The following CPED1 variants were observed in gnomAD, a reference collection of about 807,000 sequenced individuals.
The protein encoded by CPED1 is cadherin-like and PC-esterase domain-containing protein 1.
CPED1 carries 114 observed loss-of-function variants against 128.2 expected under a neutral mutation model. The ratio of observed to expected loss-of-function variants is 0.89; its 90% confidence interval spans 0.76 to 1.04. The LOEUF is 1.04. CPED1 is among the 50% of genes least tolerant of loss of function. The probability of loss-of-function intolerance (pLI) is 0.00; values close to 1 mark genes in which losing one functional copy is unlikely to be tolerated. For missense variants in CPED1, 1,211 were observed against 1,207.1 expected (o/e 1.00, Z -0.05); for synonymous variants, 462 against 426.7 (o/e 1.08, Z -1.02).
At chr7:121,277,491 G>T (rs1046837944) in intron 22 of CPED1, among the ~76,000 whole-genome samples, 4 of 152,094 alleles carry the variant, frequency 2.6e-5, no homozygotes, top group Non-Finnish European at 4.4e-5. Context: ...GCAGAGTTTT[G>T]GTAGAGGTGC....
At chr7:121,235,215 G>A (rs529929088) in intron 16 of CPED1, among the ~76,000 whole-genome samples, 22 of 152,176 alleles carry the variant, frequency 1.4e-4, no homozygotes, top group East Asian at 7.7e-4. Context: ...ATACTAACAA[G>A]TATCATTTAT....
Position 121,266,272 on chromosome 7 carries a change from C to G in CPED1, c.2356C>G (p.Leu786Val), listed in dbSNP as rs746983607. The change falls in exon 19 of 23, where the codon CTT (leucine) becomes GTT (valine). Residue 786 changes from leucine (L) to valine (V), a missense_variant. By Grantham distance (32) the Leu-to-Val change is conservative. Coordinates refer to ENST00000310396, the MANE Select transcript of CPED1 (RefSeq NM_024913.5). ...DSTNRGIMYY[L>V]IERLNETLQE... ...AACCAACAGAGGGATCATGTACTAT[C>G]TTATTGAAAGGCTGAATGAAACGTT... 4 of 1,613,056 alleles carry G rather than the reference C, an allele frequency of 2.5e-6. No homozygotes were observed. Among genetic ancestry groups the G allele is most frequent in the Non-Finnish European group, 3.4e-6 (4 of 1,179,332 alleles).
At chr7:121,191,401 G>A (rs886659712) in intron 16 of CPED1, among the ~76,000 whole-genome samples, 1 of 152,158 alleles carries the variant, frequency 6.6e-6, no homozygotes, top group Non-Finnish European at 1.5e-5. Context: ...CGAAGGACCA[G>A]TACAAGACAG....
chr7:121,094,598 A>G (rs932994079), intron 5 of CPED1, among the ~76,000 whole-genome samples: 3 of 152,142 alleles, frequency 2.0e-5, no homozygotes, highest in Non-Finnish European at 4.4e-5. Flanking sequence ...TTTAGTCAGT[A>G]TAGTGTTCAG....
intron 16 of CPED1, among the ~76,000 whole-genome samples, chr7:121,205,803 G>T (rs1697217789): frequency 6.6e-6 from 1 of 151,980 alleles, no homozygotes; most frequent in African/African-American, 2.4e-5. Flanking sequence ...TAATTTAAAT[G>T]CTCAGAAATT....
chr7:121,080,024 C>T (rs986311266), intron 5 of CPED1, among the ~76,000 whole-genome samples: 1 of 152,162 alleles, frequency 6.6e-6, no homozygotes, highest in African/African-American at 2.4e-5. Context: ...GGCCCGTTTA[C>T]TCACGTAGAT....
intron 16 of CPED1, among the ~76,000 whole-genome samples, chr7:121,161,178 G>A (rs576992961): frequency 4.6e-5 from 7 of 152,216 alleles, no homozygotes; most frequent in African/African-American, 1.4e-4. Context: ...GCAGTGGGAC[G>A]GTGTTCTCTG....
At chr7:121,196,261 A>G (rs1367876554) in intron 16 of CPED1, among the ~76,000 whole-genome samples, 1 of 151,970 alleles carries the variant, frequency 6.6e-6, no homozygotes, top group Non-Finnish European at 1.5e-5. Flanking sequence ...TTGAAACTTC[A>G]GTCTGCTCAG....
chr7:121,005,888 A>G (rs886508486), intron 2 of CPED1, among the ~76,000 whole-genome samples: 1 of 152,204 alleles, frequency 6.6e-6, no homozygotes, highest in Non-Finnish European at 1.5e-5. Flanking sequence ...GGAAGGTGTC[A>G]GTGCTCATTT....
At position 121,047,689 on chromosome 7, in the gene CPED1, T is replaced by C. The variant is rs1389029557; in HGVS notation, c.540+696T>C. ...CTTCTTCTTCTTCTTCTTCTTCTTC[T>C]TCTTCTTCTTCTTCTTCTTCTTCTT... On this transcript the variant is annotated intron_variant, in intron 4 of 22. Transcript: ENST00000310396. Among the ~76,000 whole-genome samples, 179 of 103,330 alleles carry C rather than the reference T, an allele frequency of 1.7e-3. 1 individual carries two copies. Among genetic ancestry groups the C allele is most frequent in the African/African-American group, 7.6e-3 (157 of 20,558 alleles). 67.8% of individuals were successfully genotyped at this position (103,330 alleles called of 152,430 possible).
chr7:121,034,198 A>C (rs1792818323), intron 3 of CPED1, among the ~76,000 whole-genome samples: 1 of 151,928 alleles, frequency 6.6e-6, no homozygotes, highest in African/African-American at 2.4e-5. Flanking sequence ...AACTCAAAAC[A>C]AGGATTATAA....
At chr7:121,063,519 C>CT (rs1793740206) in intron 4 of CPED1, among the ~76,000 whole-genome samples, 1 of 151,690 alleles carries the variant, frequency 6.6e-6, no homozygotes, top group Non-Finnish European at 1.5e-5. Flanking sequence ...GGACATAGTG[C>CT]TGCAATACTT....
At chr7:121,110,958 T>C (rs956491617) in intron 7 of CPED1, among the ~76,000 whole-genome samples, 1 of 152,016 alleles carries the variant, frequency 6.6e-6, no homozygotes, top group Non-Finnish European at 1.5e-5. Flanking sequence ...GAAACAAGAA[T>C]TGGTGTTGGG....
chr7:121,204,160 T>C (rs545219391), intron 16 of CPED1, among the ~76,000 whole-genome samples: 1 of 152,106 alleles, frequency 6.6e-6, no homozygotes, highest in Non-Finnish European at 1.5e-5. Flanking sequence ...AAACTCTTTG[T>C]TCCAAAATTG....
chr7:121,008,065 G>A (rs1792070755), intron 2 of CPED1, among the ~76,000 whole-genome samples: 1 of 151,676 alleles, frequency 6.6e-6, no homozygotes, highest in Non-Finnish European at 1.5e-5. Context: ...AAAATACTGC[G>A]ATTCAGGTAG....
chr7:121,120,964 C>A (rs1205466793), intron 7 of CPED1, among the ~76,000 whole-genome samples: 1 of 103,472 alleles, frequency 9.7e-6, no homozygotes, highest in African/African-American at 4.2e-5. Context: ...CAGTTCCTGA[C>A]CTAAAAAAAA....
chr7:121,051,195 C>T (rs1793343689), intron 4 of CPED1: 2 of 510,008 alleles, frequency 3.9e-6, no homozygotes, highest in Middle Eastern at 6.4e-4. Flanking sequence ...AGAAAGAAAC[C>T]AAGTCTGATT....
At chr7:121,203,174 A>G (rs1030392173) in intron 16 of CPED1, among the ~76,000 whole-genome samples, 2 of 152,060 alleles carry the variant, frequency 1.3e-5, no homozygotes, top group Non-Finnish European at 2.9e-5. Context: ...AAGAAGATCA[A>G]AGTCAGCTGG....
chr7:121,011,293 AT>A (rs1792159736), intron 2 of CPED1, among the ~76,000 whole-genome samples: 1 of 152,162 alleles, frequency 6.6e-6, no homozygotes, highest in Non-Finnish European at 1.5e-5. Context: ...CTTAGTAAAG[AT>A]TTTTAAATGT....
Sources: gnomAD v4.1 joint callset for allele counts (sites outside exome capture counted in the v4.1 genomes callset) on GRCh38, gnomAD v4.1.1 for gene constraint, MANE v1.5 for transcripts, NCBI Gene and HGNC (gene_info 2026-07-23, HGNC 2026-07-21) for gene names.